Variants in COG5 observed in about 807,000 individuals in gnomAD.
COG5 encodes the protein component of oligomeric golgi complex 5.
A neutral mutation model predicts 110.4 loss-of-function variants in COG5; 86 were observed. That is an observed-to-expected ratio of 0.78 (90% confidence interval 0.65 to 0.93). The LOEUF (loss-of-function observed/expected upper bound fraction) is 0.93. Ranked by LOEUF, COG5 falls within the 40% of genes least tolerant of loss-of-function variation. The probability of loss-of-function intolerance (pLI) is 0.00; values close to 1 mark genes in which losing one functional copy is unlikely to be tolerated. For synonymous variants in COG5, 360 were observed against 334.6 expected (o/e 1.08, Z -0.83); for missense variants, 1,077 against 987.0 (o/e 1.09, Z -1.22).
chr7:107,510,160 G>C (rs889761368), intron 6 of COG5, among the ~76,000 whole-genome samples: 1 of 151,906 alleles, frequency 6.6e-6, no homozygotes, highest in Admixed American at 6.6e-5. Context: ...CCCATCTCAC[G>C]TGCAGAGACA....
chr7:107,523,654 A>G (rs907710468), intron 6 of COG5, among the ~76,000 whole-genome samples: 15 of 152,124 alleles, frequency 9.9e-5, no homozygotes, highest in African/African-American at 3.1e-4. Flanking sequence ...GTCTCTACTA[A>G]ATATACAAAA....
intron 10 of COG5, among the ~76,000 whole-genome samples, chr7:107,352,909 T>G (rs545752060): frequency 6.6e-6 from 1 of 152,290 alleles, no homozygotes; most frequent in South Asian, 2.1e-4. Context: ...CAAATAAGAA[T>G]CTACAGCCTG....
chr7:107,210,182 C>T, intron 21 of COG5: 1 of 1,139,374 alleles, frequency 8.8e-7, no homozygotes, highest in Non-Finnish European at 1.1e-6. Context: ...TCAGTAACTG[C>T]AGCACATAAA....
chr7:107,328,503 G>A (rs942278599), intron 10 of COG5, among the ~76,000 whole-genome samples: 3 of 152,170 alleles, frequency 2.0e-5, no homozygotes, highest in African/African-American at 7.2e-5. Flanking sequence ...GTTACACTAA[G>A]TGAAACAAGC....
intron 19 of COG5, among the ~76,000 whole-genome samples, chr7:107,219,832 T>A (rs1233134284): frequency 1.3e-5 from 2 of 152,252 alleles, no homozygotes; most frequent in African/African-American, 4.8e-5. Context: ...AAATTTCAAA[T>A]GTTCTTATCA....
At chr7:107,213,196 A>G (rs1799295323) in intron 19 of COG5, among the ~76,000 whole-genome samples, 1 of 152,138 alleles carries the variant, frequency 6.6e-6, no homozygotes, top group Non-Finnish European at 1.5e-5. Context: ...GCTGAACAAG[A>G]AGTTCAACCT....
intron 11 of COG5, among the ~76,000 whole-genome samples, chr7:107,308,811 T>C (rs1001120155): frequency 2.6e-5 from 4 of 151,518 alleles, no homozygotes; most frequent in African/African-American, 7.3e-5. Context: ...TCCCTTGCAA[T>C]TGTTATCTTT....
intron 11 of COG5, among the ~76,000 whole-genome samples, chr7:107,305,306 T>G (rs1160581487): frequency 6.6e-6 from 1 of 152,210 alleles, no homozygotes; most frequent in Admixed American, 6.5e-5. Context: ...GCCGCCTTTG[T>G]GAGCAGGCTG....
chr7:107,336,214 G>C (rs1233575578), intron 10 of COG5, among the ~76,000 whole-genome samples: 1 of 152,200 alleles, frequency 6.6e-6, no homozygotes, highest in Non-Finnish European at 1.5e-5. Context: ...ATATTATTCA[G>C]TTATAAAAAA....
intron 6 of COG5, among the ~76,000 whole-genome samples, chr7:107,499,351 A>G (rs1227812607): frequency 6.6e-6 from 1 of 152,144 alleles, no homozygotes; most frequent in African/African-American, 2.4e-5. Flanking sequence ...ACACTAACGT[A>G]AGGTATTCCT....
intron 10 of COG5, among the ~76,000 whole-genome samples, chr7:107,355,650 T>C (rs1384552840): frequency 6.6e-6 from 1 of 152,236 alleles, no homozygotes; most frequent in Non-Finnish European, 1.5e-5. Context: ...CGCATATTGC[T>C]AAGTGGAAGA....
intron 6 of COG5, among the ~76,000 whole-genome samples, chr7:107,415,720 ATATATG>A (rs1423856018): frequency 2.7e-5 from 4 of 150,028 alleles, no homozygotes; most frequent in African/African-American, 7.3e-5. Flanking sequence ...GCATGAATGT[ATATATG>A]TATATGTATA....
intron 6 of COG5, among the ~76,000 whole-genome samples, chr7:107,512,173 A>G (rs945528761): frequency 6.6e-6 from 1 of 152,224 alleles, no homozygotes; most frequent in African/African-American, 2.4e-5. Context: ...AAATCACCTT[A>G]AGCTGATAAG....
At chr7:107,297,443 C>CTCTTT (rs1806848644) in intron 12 of COG5, among the ~76,000 whole-genome samples, 2 of 77,986 alleles carry the variant, frequency 2.6e-5, no homozygotes, top group Admixed American at 1.7e-4. Context: ...TACATTCTGC[C>CTCTTT]TTTTTTTTTT....
chr7:107,331,735 T>C (rs986248445), intron 10 of COG5, among the ~76,000 whole-genome samples: 3 of 151,848 alleles, frequency 2.0e-5, no homozygotes, highest in Non-Finnish European at 4.4e-5. Context: ...GCAACCAAAA[T>C]AGAATTTAAG....
At chr7:107,475,929 T>C (rs1168895741) in intron 6 of COG5, among the ~76,000 whole-genome samples, 3 of 151,318 alleles carry the variant, frequency 2.0e-5, no homozygotes, top group African/African-American at 4.8e-5. Flanking sequence ...TAAAAAATCA[T>C]AGAATTTATC....
At chr7:107,299,944 C>A (rs1241943612) in intron 11 of COG5, among the ~76,000 whole-genome samples, 1 of 148,694 alleles carries the variant, frequency 6.7e-6, no homozygotes, top group African/African-American at 2.5e-5. Flanking sequence ...TGTTCTTTAA[C>A]TCCTAGGCTC....
chr7:107,517,882 G>T (rs1487738860), intron 6 of COG5, among the ~76,000 whole-genome samples: 1 of 152,052 alleles, frequency 6.6e-6, no homozygotes, highest in East Asian at 1.9e-4. Context: ...ATTTTCAGTA[G>T]AGAAGGGGTT....
At chr7:107,335,183 T>G (rs993525749) in intron 10 of COG5, among the ~76,000 whole-genome samples, 1 of 152,072 alleles carries the variant, frequency 6.6e-6, no homozygotes, top group Non-Finnish European at 1.5e-5. Context: ...AAATAACTTA[T>G]GTTCAAGACC....
Sources: allele counts gnomAD v4.1 joint callset (sites outside exome capture counted in the v4.1 genomes callset), GRCh38; gene constraint gnomAD v4.1.1; transcripts MANE v1.5; gene names NCBI Gene and HGNC (gene_info 2026-07-23, HGNC 2026-07-21).